DPH6: variants seen among roughly 807,000 people sequenced by gnomAD.
The protein encoded by DPH6 is diphthine--ammonia ligase.
A neutral mutation model predicts 38.2 loss-of-function variants in DPH6; 33 were observed. The observed-to-expected ratio is 0.86, with a 90% CI of 0.65 to 1.15. DPH6 has a LOEUF of 1.15. Ranked by LOEUF, DPH6 falls within the 50% of genes most tolerant of loss-of-function variation. DPH6 has a pLI of 0.00. For synonymous variants in DPH6, 108 were observed against 103.0 expected (o/e 1.05, Z -0.30); for missense variants, 325 against 320.0 (o/e 1.02, Z -0.12).
At chr15:35,171,052 C>T in the DPH6 span, among the ~76,000 whole-genome samples, 2 of 152,172 alleles carry the variant, frequency 1.3e-5, no homozygotes, top group African/African-American at 4.8e-5. Context: ...ATCAGGTCCT[C>T]TAGAGTCCTA....
Position 35,381,751 on chromosome 15 carries a change from A to G in DPH6, c.662+71T>C, listed in dbSNP as rs1595514966. Reference sequence around the variant, plus strand: ...ATTTTTCCCAACAAAAGTTGCCTCAAGCTTAATGTTCAGTTGCTTCCATCA... The same window carrying G: ...ATTTTTCCCAACAAAAGTTGCCTCAGGCTTAATGTTCAGTTGCTTCCATCA... On this transcript the variant is annotated intron_variant, in intron 7 of 8. Coordinates refer to ENST00000256538, the MANE Select transcript of DPH6 (RefSeq NM_080650.4). 3.1e-6 allele frequency: 4 copies of G among 1,294,278 alleles called. No individual in the cohort carries two copies. In the East Asian group the frequency reaches 9.3e-5, roughly 30 times the overall value. The allele number at this position is 1,294,278 out of a possible 1,614,324, so 80.2% of individuals were successfully genotyped here. A position where few individuals can be genotyped will look rare whatever the true frequency, so the allele number is the denominator to read the frequency against.
chr15:35,158,289 T>C, the DPH6 span, among the ~76,000 whole-genome samples: 1 of 152,140 alleles, frequency 6.6e-6, no homozygotes, highest in East Asian at 1.9e-4. Context: ...TATATCTTGA[T>C]TGGCTATATA....
intron 3 of DPH6, among the ~76,000 whole-genome samples, chr15:35,261,758 A>G (rs1388558348): frequency 6.6e-6 from 1 of 151,978 alleles, no homozygotes; most frequent in Non-Finnish European, 1.5e-5. Context: ...GCTTGAGCCC[A>G]GGAGGTCGAG....
At chr15:35,200,431 T>A in the DPH6 span, among the ~76,000 whole-genome samples, 140 of 152,270 alleles carry the variant, frequency 9.2e-4, no homozygotes, top group African/African-American at 3.2e-3. Context: ...TGTTGGACTG[T>A]ATCCTAAAAA....
At chr15:35,518,427 T>C (rs1044384644) in intron 3 of DPH6, among the ~76,000 whole-genome samples, 3 of 151,984 alleles carry the variant, frequency 2.0e-5, no homozygotes, top group Admixed American at 1.3e-4. Context: ...ACCCAGATAA[T>C]TGAAAAAGTA....
intron 3 of DPH6, among the ~76,000 whole-genome samples, chr15:35,290,877 TAATTA>T (rs1944997077): frequency 6.6e-6 from 1 of 152,108 alleles, no homozygotes; most frequent in African/African-American, 2.4e-5. Context: ...GCAAAATAAT[TAATTA>T]AACCTATCAC....
At chr15:35,163,791 T>C in the DPH6 span, among the ~76,000 whole-genome samples, 3 of 151,988 alleles carry the variant, frequency 2.0e-5, no homozygotes, top group African/African-American at 7.2e-5. Context: ...ATTCTTTCCA[T>C]GGTTGCTTGG....
At chr15:35,196,750 G>C in the DPH6 span, among the ~76,000 whole-genome samples, 1 of 151,996 alleles carries the variant, frequency 6.6e-6, no homozygotes, top group Non-Finnish European at 1.5e-5. Flanking sequence ...TTCAGGGTGG[G>C]GATAGCATTG....
At chr15:35,523,240 CTTT>C (rs35551024) in intron 3 of DPH6, among the ~76,000 whole-genome samples, 8 of 100,090 alleles carry the variant, frequency 8.0e-5, no homozygotes, top group Admixed American at 2.0e-4. Context: ...GTTACACATT[CTTT>C]TTTTTTTTTT....
chr15:35,236,647 AAAAAAAAG>A (rs2051554136), intron 3 of DPH6, among the ~76,000 whole-genome samples: 2 of 152,008 alleles, frequency 1.3e-5, no homozygotes, highest in African/African-American at 4.8e-5. Flanking sequence ...TCTCAAAAAA[AAAAAAAAG>A]AAAAAAAGAA....
At chr15:35,477,901 AC>A (rs1271739661) in intron 3 of DPH6, among the ~76,000 whole-genome samples, 1 of 151,902 alleles carries the variant, frequency 6.6e-6, no homozygotes, top group Non-Finnish European at 1.5e-5. Flanking sequence ...GCAGTAAATT[AC>A]CCTGTAGCTA....
intron 1 of DPH6, 97 bp from the exon 2 acceptor site, chr15:35,542,604 A>G: frequency 8.5e-7 from 1 of 1,172,752 alleles, no homozygotes; most frequent in South Asian, 1.7e-5. Flanking sequence ...CATTTACTTG[A>G]CTCTTCAGAA....
chr15:35,456,457 C>CTACA (rs2053997815), intron 3 of DPH6, among the ~76,000 whole-genome samples: 1 of 144,144 alleles, frequency 6.9e-6, no homozygotes, highest in African/African-American at 2.5e-5. Flanking sequence ...AGTCAAATTA[C>CTACA]TATATATATA....
intron 3 of DPH6, among the ~76,000 whole-genome samples, chr15:35,502,344 A>G (rs1380545814): frequency 6.6e-6 from 1 of 152,072 alleles, no homozygotes; most frequent in Non-Finnish European, 1.5e-5. Flanking sequence ...AGAAAGAAAG[A>G]AAAAATAAGC....
the DPH6 span, among the ~76,000 whole-genome samples, chr15:35,196,165 ATAG>A: frequency 6.6e-6 from 1 of 152,318 alleles, no homozygotes; most frequent in East Asian, 1.9e-4. Flanking sequence ...TTAACGTAAA[ATAG>A]TAGAAAACAG....
chr15:35,282,590 TC>T, intron 3 of DPH6: 1 of 361,162 alleles, frequency 2.8e-6, no homozygotes. Context: ...TGGGTGATGC[TC>T]CAGAATGGGA....
At chr15:35,513,006 A>C (rs2054795838) in intron 3 of DPH6, among the ~76,000 whole-genome samples, 1 of 152,076 alleles carries the variant, frequency 6.6e-6, no homozygotes. Flanking sequence ...ATACAGGCAC[A>C]TGATAGAATA....
At position 35,388,588 on chromosome 15, in the gene DPH6, G is replaced by T. The variant is rs528543324; in HGVS notation, c.568-6672C>A. On this transcript the variant is annotated intron_variant, in intron 6 of 8. Transcript: ENST00000256538. ...GTCTTGGAAGAGTGTATGTGTCCAG[G>T]AATTTATCCATTTCTTCTAGATTTT... 2.4e-3 allele frequency among the ~76,000 whole-genome samples: 359 copies of T among 152,282 alleles called. 1 individual carries two copies. Among genetic ancestry groups the T allele is most frequent in the African/African-American group, 8.4e-3 (350 of 41,540 alleles).
chr15:35,175,166 A>G, the DPH6 span, among the ~76,000 whole-genome samples: 169 of 152,312 alleles, frequency 1.1e-3, no homozygotes, highest in African/African-American at 3.9e-3. Flanking sequence ...TATGCTGGTA[A>G]TACTGTACAT....
Sources: gnomAD v4.1 joint callset for allele counts (sites outside exome capture counted in the v4.1 genomes callset) on GRCh38, gnomAD v4.1.1 for gene constraint, MANE v1.5 for transcripts, NCBI Gene and HGNC (gene_info 2026-07-23, HGNC 2026-07-21) for gene names.